Variants in SENP1 observed in about 807,000 individuals in gnomAD.
SENP1 encodes sentrin-specific protease 1.
Under a neutral mutation model 93.0 loss-of-function variants are expected in SENP1, and 21 were observed. That is an observed-to-expected ratio of 0.23 (90% CI 0.16 to 0.33). The LOEUF (loss-of-function observed/expected upper bound fraction) is 0.33, where lower values mean the gene tolerates loss of function less well. Among genes scored for constraint, SENP1 ranks in the 10% least tolerant of loss-of-function variants. The pLI, the probability that SENP1 is intolerant of heterozygous loss-of-function variation, is 1.00. For synonymous variants in SENP1, 256 were observed against 259.6 expected, an observed-to-expected ratio of 0.99 and a Z score of 0.13; for missense variants, 591 against 758.7, an observed-to-expected ratio of 0.78 and a Z score of 2.60.
intron 5 of SENP1, among the ~76,000 whole-genome samples, chr12:48,085,909 C>T (rs1262840936): frequency 6.6e-6 from 1 of 151,988 alleles, no homozygotes; most frequent in Non-Finnish European, 1.5e-5. Flanking sequence ...ATGCGTGCGC[C>T]TATGCATGTT....
rs1942421437 is a variant in SENP1 at position 48,056,573 on chromosome 12, TTAATATATTA to T, written c.1407+7127_1407+7136del. On this transcript the variant is annotated intron_variant, in intron 13 of 17. Transcript: ENST00000549518. ...TATATTACATATATAAATATATTAT[TTAATATATTA>T]CATATATAAATATATTATTTAATAT... 2.0e-4 allele frequency among the ~76,000 whole-genome samples: 11 copies of T among 54,664 alleles called. 1 individual carries two copies. Among genetic ancestry groups the T allele is most frequent in the Admixed American group, 3.4e-4 (1 of 2,914 alleles). 35.9% of individuals were successfully genotyped at this position (54,664 alleles called of 152,430 possible).
intron 12 of SENP1, 66 bp downstream of exon 12, chr12:48,064,999 C>T (rs1435691201): frequency 2.5e-6 from 3 of 1,194,760 alleles, no homozygotes; most frequent in Non-Finnish European, 3.7e-6. Flanking sequence ...ATGTTTGAAA[C>T]TCATCCGAGG....
At chr12:48,103,691 A>C (rs749933696) in intron 1 of SENP1, among the ~76,000 whole-genome samples, 1 of 152,218 alleles carries the variant, frequency 6.6e-6, no homozygotes, top group Non-Finnish European at 1.5e-5. Context: ...TGATTCTAAT[A>C]ATTCATTTCC....
At chr12:48,073,603 C>T (rs1286675033) in intron 8 of SENP1, among the ~76,000 whole-genome samples, 3 of 152,112 alleles carry the variant, frequency 2.0e-5, no homozygotes, top group African/African-American at 7.2e-5. Flanking sequence ...ACAAACCTAT[C>T]ACGACAAAAC....
At position 48,063,797 on chromosome 12, in the gene SENP1, C is replaced by G; in HGVS notation, c.1320G>C (p.Gln440His). Residue 440 changes from glutamine to histidine, a missense_variant, in exon 13 of 18, where the codon CAG (glutamine) becomes CAC (histidine). Coordinates refer to ENST00000549518, the MANE Select transcript of SENP1 (RefSeq NM_001267594.2). ...EIKNVFRNGN[Q>H]DEVLSEAFRL... Reference sequence around the variant, plus strand: ...GAAATGCTTCACTGAGAACTTCATCCTGATTCCCATTACGAAATACATTCT... The same window carrying G: ...GAAATGCTTCACTGAGAACTTCATCGTGATTCCCATTACGAAATACATTCT... 1 of 1,612,916 alleles carries G rather than the reference C, an allele frequency of 6.2e-7. No homozygotes were observed. Among genetic ancestry groups the G allele is most frequent in the Non-Finnish European group, 8.5e-7 (1 of 1,179,374 alleles).
At chr12:48,047,513 C>T (rs1174955844) in intron 15 of SENP1, among the ~76,000 whole-genome samples, 1 of 152,172 alleles carries the variant, frequency 6.6e-6, no homozygotes, top group Non-Finnish European at 1.5e-5. Context: ...GAGTGCATAC[C>T]TTCAATAGAG....
Position 48,074,549 on chromosome 12 carries a change from T to C in SENP1, c.715A>G (p.Asn239Asp). 1 of 1,613,780 alleles carries C rather than the reference T, an allele frequency of 6.2e-7. No homozygotes were observed. The highest frequency in any genetic ancestry group is 1.1e-5 in the South Asian group (1 of 91,062). ...CCAATGATCTGAGATGCACAAGAGT[T>C]TCCATTTTTAAACAGTGAGTCTTTC... is the stretch of plus-strand genomic sequence containing the variant. The part of the protein sequence containing the change: ...TLKDSLFKNG[N>D]SCASQIIGSD... The change falls in exon 8 of 18, where the codon AAC (asparagine) becomes GAC (aspartate). Residue 239 changes from asparagine (N) to aspartate (D), a missense_variant. Physicochemically the swap from Asn to Asp is conservative, Grantham distance 23 (BLOSUM62 1). Coordinates refer to ENST00000549518, the MANE Select transcript of SENP1 (RefSeq NM_001267594.2).
intron 2 of SENP1, 138 bp downstream of exon 2, chr12:48,101,331 A>G (rs1345460569): frequency 2.9e-6 from 2 of 693,794 alleles, no homozygotes; most frequent in Non-Finnish European, 4.8e-6. Flanking sequence ...AGTATTACAT[A>G]ATTAGGATTA....
At chr12:48,078,155 G>T (rs909803173) in intron 6 of SENP1, among the ~76,000 whole-genome samples, 6 of 151,008 alleles carry the variant, frequency 4.0e-5, no homozygotes, top group South Asian at 2.1e-4. Flanking sequence ...AATTTGATTG[G>T]TTTTTTGTAG....
At chr12:48,053,360 C>A (rs1173206159) in intron 13 of SENP1, among the ~76,000 whole-genome samples, 1 of 151,786 alleles carries the variant, frequency 6.6e-6, no homozygotes, top group Admixed American at 6.6e-5. Context: ...TTCCTGTGGT[C>A]CCAGCTCCTT....
chr12:48,077,581 T>C (rs1273929522), intron 6 of SENP1, among the ~76,000 whole-genome samples: 1 of 151,830 alleles, frequency 6.6e-6, no homozygotes, highest in African/African-American at 2.4e-5. Context: ...ATATAACGGG[T>C]TCACTTTTTT....
At chr12:48,063,613 A>C in intron 13 of SENP1, 97 bp downstream of exon 13, 4 of 1,198,196 alleles carry the variant, frequency 3.3e-6, no homozygotes, top group South Asian at 1.4e-5. Context: ...AATGCAGGTC[A>C]TCCATGGACC....
At chr12:48,083,960 A>T (rs1245785990) in intron 5 of SENP1, among the ~76,000 whole-genome samples, 198 bp from the exon 6 acceptor site, 3 of 152,224 alleles carry the variant, frequency 2.0e-5, no homozygotes, top group Non-Finnish European at 2.9e-5. Flanking sequence ...CACTTAAAAG[A>T]TCTTACATTG....
chr12:48,048,988 C>T lies in SENP1; in HGVS notation c.1552G>A (p.Val518Ile), dbSNP rs779217303. 2.0e-5 allele frequency: 32 copies of T among 1,613,740 alleles called. 1 individual carries two copies. In the East Asian group the frequency reaches 6.9e-4, roughly 35 times the overall value. ...AVKRWTKKVDVFSVDILLVPI... is the reference protein window; with the variant it reads ...AVKRWTKKVDIFSVDILLVPI... Reference sequence around the variant, plus strand: ...ACCAAAAGAATGTCAACAGAAAATACATCTACTTTCTTTGTCCAACGTTTC... The same window carrying T: ...ACCAAAAGAATGTCAACAGAAAATATATCTACTTTCTTTGTCCAACGTTTC... The change falls in exon 14 of 18, where the codon GTA (valine) becomes ATA (isoleucine). Residue 518 changes from valine to isoleucine, a missense_variant. Val to Ile is a conservative substitution (Grantham distance 29). Transcript: ENST00000549518.
chr12:48,065,015 T>C lies in SENP1; in HGVS notation c.1275+50A>G, dbSNP rs764569555. 10 of 1,324,986 alleles carry C rather than the reference T, an allele frequency of 7.5e-6. No homozygotes were observed. In the South Asian group the frequency reaches 1.2e-4, roughly 16 times the overall value. 82.1% of individuals were successfully genotyped at this position (1,324,986 alleles called of 1,614,324 possible). A position where few individuals can be genotyped will look rare whatever the true frequency, so the allele number is the denominator to read the frequency against. ...TGTTTGAAACTCATCCGAGGGATTC[T>C]TTCTAAACATGATACTTAGTAGTGT... On this transcript the variant is annotated intron_variant, in intron 12 of 17. Coordinates refer to ENST00000549518, the MANE Select transcript of SENP1 (RefSeq NM_001267594.2).
intron 9 of SENP1, among the ~76,000 whole-genome samples, chr12:48,070,962 G>A (rs1943651588): frequency 6.6e-6 from 1 of 152,056 alleles, no homozygotes; most frequent in South Asian, 2.1e-4. Flanking sequence ...CAAGTATGGT[G>A]GCATGCATAT....
intron 1 of SENP1, 21 bp downstream of exon 1, chr12:48,106,007 C>G (rs1946549770): frequency 1.4e-6 from 1 of 700,948 alleles, no homozygotes; most frequent in Admixed American, 2.0e-5. Flanking sequence ...ACCCCTCCCC[C>G]AGCTTCCCGC....
Position 48,057,444 on chromosome 12 carries a change from G to A in SENP1, c.1407+6266C>T, listed in dbSNP as rs561819614. 4.8e-3 allele frequency among the ~76,000 whole-genome samples: 709 copies of A among 148,272 alleles called. 5 individuals carry two copies. The highest frequency in any genetic ancestry group is 0.015 in the African/African-American group (629 of 40,720). ...AGGGTTTCAGCATGTTGGTCAGGCC[G>A]GTCTCAAGTTCCTGACCTCAGGTGA... On this transcript the variant is annotated intron_variant, in intron 13 of 17. Coordinates refer to ENST00000549518, the MANE Select transcript of SENP1 (RefSeq NM_001267594.2).
At chr12:48,059,297 CTTTT>C (rs1162485764) in intron 13 of SENP1, among the ~76,000 whole-genome samples, 1 of 151,980 alleles carries the variant, frequency 6.6e-6, no homozygotes, top group Admixed American at 6.6e-5. Flanking sequence ...CTTTCTTTGG[CTTTT>C]TTTGTGTGTC....
Sources: gnomAD v4.1 joint callset for allele counts (sites outside exome capture counted in the v4.1 genomes callset) on GRCh38, gnomAD v4.1.1 for gene constraint, MANE v1.5 for transcripts, NCBI Gene and HGNC (gene_info 2026-07-23, HGNC 2026-07-21) for gene names.